The following EPHA6 variants were observed in gnomAD, a reference collection of about 807,000 sequenced individuals.
EPHA6 encodes the protein ephrin type-A receptor 6.
A neutral mutation model predicts 112.0 loss-of-function variants in EPHA6; 50 were observed. That is an observed-to-expected ratio of 0.45 (90% CI 0.36 to 0.56). The LOEUF is 0.56. Among genes scored for constraint, EPHA6 ranks in the 20% least tolerant of loss-of-function variants. EPHA6 has a pLI of 0.00. For missense variants in EPHA6, 1,280 were observed against 1,417.4 expected, an observed-to-expected ratio of 0.90 and a Z score of 1.56; for synonymous variants, 529 against 490.7, an observed-to-expected ratio of 1.08 and a Z score of -1.03.
At chr3:96,969,436 C>G (rs949573862) in intron 2 of EPHA6, among the ~76,000 whole-genome samples, 1 of 151,738 alleles carries the variant, frequency 6.6e-6, no homozygotes, top group Non-Finnish European at 1.5e-5. Context: ...TTTGACCTTC[C>G]AAGAACCATC....
intron 5 of EPHA6, among the ~76,000 whole-genome samples, chr3:97,266,561 C>T (rs1324378779): frequency 1.3e-5 from 2 of 152,092 alleles, no homozygotes; most frequent in African/African-American, 4.8e-5. Flanking sequence ...AGGATTGTAC[C>T]TTTCACTTTA....
rs1181080465 is a variant in EPHA6, at chr3:97,755,516, G to C, written c.*6815G>C. On this transcript the variant is annotated 3_prime_UTR_variant, in exon 18 of 18. Transcript: ENST00000389672. ...GGTGCTCTACAAAATAATAAAAGGA[G>C]GACAACTCTAATTCAGGATTCCTAT... Among the ~76,000 whole-genome samples, 1 of 152,032 alleles carries C rather than the reference G, an allele frequency of 6.6e-6. No individual in the cohort carries two copies. Among genetic ancestry groups the C allele is most frequent in the Admixed American group, 6.5e-5 (1 of 15,268 alleles).
intron 3 of EPHA6, among the ~76,000 whole-genome samples, chr3:96,997,104 TA>T (rs1315126315): frequency 6.6e-6 from 1 of 152,074 alleles, no homozygotes; most frequent in African/African-American, 2.4e-5. Flanking sequence ...TTCCAATTTT[TA>T]TTTTGCAGCT....
At chr3:97,629,617 A>G (rs994486615) in intron 13 of EPHA6, among the ~76,000 whole-genome samples, 9 of 152,056 alleles carry the variant, frequency 5.9e-5, no homozygotes, top group Admixed American at 5.9e-4. Context: ...AATTATATAT[A>G]AAGAAATTCT....
At chr3:97,096,841 G>C (rs1280841204) in intron 3 of EPHA6, among the ~76,000 whole-genome samples, 1 of 151,678 alleles carries the variant, frequency 6.6e-6, no homozygotes, top group Non-Finnish European at 1.5e-5. Context: ...TTCAAATTTA[G>C]ATCTATGGAC....
chr3:97,323,283 G>A (rs1239773288), intron 5 of EPHA6, among the ~76,000 whole-genome samples: 2 of 151,516 alleles, frequency 1.3e-5, no homozygotes, highest in Non-Finnish European at 2.9e-5. Context: ...TTACTTTTTT[G>A]AGAATAATTT....
chr3:97,383,800 C>T (rs544674539), intron 5 of EPHA6, among the ~76,000 whole-genome samples: 4 of 152,122 alleles, frequency 2.6e-5, no homozygotes, highest in Admixed American at 2.6e-4. Flanking sequence ...AAGAAGGAAA[C>T]TTGTTTGGCT....
chr3:96,959,355 AT>A (rs1295715594), intron 2 of EPHA6, among the ~76,000 whole-genome samples: 13 of 152,172 alleles, frequency 8.5e-5, no homozygotes, highest in Non-Finnish European at 1.8e-4. Flanking sequence ...AAATTGGGTT[AT>A]TTTTATTTTT....
chr3:97,618,604 C>A (rs540245486), intron 13 of EPHA6, among the ~76,000 whole-genome samples: 3 of 151,970 alleles, frequency 2.0e-5, no homozygotes, highest in Non-Finnish European at 4.4e-5. Context: ...CACAGAAATA[C>A]AAGCAACGAT....
chr3:97,393,869 T>G (rs187827554), intron 5 of EPHA6, among the ~76,000 whole-genome samples: 5 of 151,876 alleles, frequency 3.3e-5, no homozygotes, highest in Non-Finnish European at 7.4e-5. Flanking sequence ...TAACATAATA[T>G]CTAGGTTCAT....
intron 14 of EPHA6, among the ~76,000 whole-genome samples, chr3:97,706,252 T>A (rs1189301510): frequency 6.6e-6 from 1 of 152,068 alleles, no homozygotes; most frequent in Non-Finnish European, 1.5e-5. Flanking sequence ...ATCCTTTTAT[T>A]TTAGGAAAAA....
intron 2 of EPHA6, among the ~76,000 whole-genome samples, chr3:96,873,223 C>T (rs1455769216): frequency 2.0e-5 from 3 of 151,722 alleles, no homozygotes; most frequent in Non-Finnish European, 4.4e-5. Context: ...AAGATCATGC[C>T]CCTGCAGTTC....
chr3:97,069,042 C>T (rs544229697), intron 3 of EPHA6, among the ~76,000 whole-genome samples: 58 of 152,200 alleles, frequency 3.8e-4, no homozygotes, highest in Middle Eastern at 6.8e-3. Flanking sequence ...ATAATTGACC[C>T]TTGAACGACA....
chr3:97,549,720 GA>G (rs1217815395), intron 11 of EPHA6, among the ~76,000 whole-genome samples: 1 of 152,058 alleles, frequency 6.6e-6, no homozygotes, highest in Non-Finnish European at 1.5e-5. Flanking sequence ...TGAGGCAGGA[GA>G]AAAACTGGAA....
chr3:97,650,767 G>T (rs866223257), intron 14 of EPHA6, among the ~76,000 whole-genome samples: 1 of 147,250 alleles, frequency 6.8e-6, no homozygotes, highest in East Asian at 2.1e-4. Flanking sequence ...TGAGGCAGGA[G>T]AATTGCTTGA....
At chr3:96,997,095 T>C (rs1394135478) in intron 3 of EPHA6, among the ~76,000 whole-genome samples, 2 of 152,068 alleles carry the variant, frequency 1.3e-5, no homozygotes, top group Non-Finnish European at 2.9e-5. Flanking sequence ...GCTGTTGGCT[T>C]CCAATTTTTA....
chr3:97,232,213 C>A (rs889372432), intron 4 of EPHA6, among the ~76,000 whole-genome samples: 12 of 152,070 alleles, frequency 7.9e-5, no homozygotes, highest in African/African-American at 2.9e-4. Context: ...ATATTGATAA[C>A]AATACATACC....
intron 3 of EPHA6, among the ~76,000 whole-genome samples, chr3:97,011,280 A>T (rs1379076708): frequency 6.6e-6 from 1 of 152,172 alleles, no homozygotes; most frequent in Non-Finnish European, 1.5e-5. Context: ...TGCTAGTTTG[A>T]GTAACAGACT....
At chr3:96,827,893 A>G (rs113777641) in intron 1 of EPHA6, among the ~76,000 whole-genome samples, 14 of 152,128 alleles carry the variant, frequency 9.2e-5, no homozygotes, top group African/African-American at 3.4e-4. Flanking sequence ...CAGAAGAATA[A>G]GGAAAGAAGG....
Sources: gnomAD v4.1 joint callset for allele counts (sites outside exome capture counted in the v4.1 genomes callset) on GRCh38, gnomAD v4.1.1 for gene constraint, MANE v1.5 for transcripts, NCBI Gene and HGNC (gene_info 2026-07-23, HGNC 2026-07-21) for gene names.